The following RBFOX1 variants were observed in gnomAD, a reference collection of about 807,000 sequenced individuals.
RBFOX1 encodes the protein RNA binding protein fox-1 homolog 1.
A neutral mutation model predicts 57.7 loss-of-function variants in RBFOX1; 8 were observed. The observed-to-expected ratio is 0.14, with a 90% CI of 0.08 to 0.25. RBFOX1 has a LOEUF of 0.25. Among genes scored for constraint, RBFOX1 ranks in the 10% least tolerant of loss-of-function variants. The probability of loss-of-function intolerance (pLI) is 1.00; values close to 1 mark genes in which losing one functional copy is unlikely to be tolerated. For synonymous variants in RBFOX1, 326 were observed against 222.4 expected, an observed-to-expected ratio of 1.47 and a Z score of -4.15; for missense variants, 611 against 548.5, an observed-to-expected ratio of 1.11 and a Z score of -1.14.
intron 3 of RBFOX1, among the ~76,000 whole-genome samples, chr16:6,907,031 C>T (rs7194737): frequency 0.3 from 44,927 of 151,506 alleles, 7,732 homozygotes; most frequent in African/African-American, 0.49. Context: ...GCTTGCAGAA[C>T]TAAATTTAAA....
chr16:6,524,468 A>G (rs2153808046), intron 2 of RBFOX1, among the ~76,000 whole-genome samples: 1 of 152,202 alleles, frequency 6.6e-6, no homozygotes, highest in South Asian at 2.1e-4. Context: ...CTCACTTTCG[A>G]AGCGTGTTTG....
At chr16:5,753,000 C>T (rs1041920199) in intron 3 of RBFOX1, among the ~76,000 whole-genome samples, 2 of 151,894 alleles carry the variant, frequency 1.3e-5, no homozygotes, top group African/African-American at 2.4e-5. Context: ...AGAAATAAAC[C>T]GTATTTTAAA....
intron 3 of RBFOX1, among the ~76,000 whole-genome samples, chr16:7,009,649 C>CAG (rs2093554223): frequency 6.6e-6 from 1 of 151,602 alleles, no homozygotes; most frequent in Non-Finnish European, 1.5e-5. Context: ...ACCGTCTGGG[C>CAG]ACTTGTCACC....
intron 5 of RBFOX1, among the ~76,000 whole-genome samples, chr16:7,567,127 A>ATATATATATCCATATATATCTCCC (rs1567862920): frequency 7.7e-5 from 10 of 130,374 alleles, no homozygotes; most frequent in Admixed American, 7.2e-4. Context: ...ATATCTCCCT[A>ATATATATATCCATATATATCTCCC]TATATGTATA....
intron 3 of RBFOX1, among the ~76,000 whole-genome samples, chr16:6,805,054 G>C (rs1206530997): frequency 6.6e-6 from 1 of 152,070 alleles, no homozygotes; most frequent in Non-Finnish European, 1.5e-5. Flanking sequence ...TATATGCAGA[G>C]GAATATAAAT....
intron 3 of RBFOX1, among the ~76,000 whole-genome samples, chr16:6,748,584 A>G (rs952942928): frequency 1.3e-5 from 2 of 152,184 alleles, no homozygotes; most frequent in Non-Finnish European, 2.9e-5. Context: ...TCTTGAGCCC[A>G]GAAGTTCGAG....
intron 1 of RBFOX1, among the ~76,000 whole-genome samples, chr16:5,374,763 A>G (rs1282356045): frequency 6.6e-6 from 1 of 151,038 alleles, no homozygotes; most frequent in African/African-American, 2.4e-5. Flanking sequence ...GAAGACGACT[A>G]TTTCATGATG....
At chr16:5,607,347 T>G (rs59118089) in intron 3 of RBFOX1, among the ~76,000 whole-genome samples, 5,446 of 152,248 alleles carry the variant, frequency 0.036, 335 homozygotes, top group African/African-American at 0.12. Context: ...TTAAAGGAAG[T>G]TGGACTTGCT....
intron 4 of RBFOX1, among the ~76,000 whole-genome samples, chr16:5,977,921 A>C (rs1312127576): frequency 1.3e-5 from 2 of 151,952 alleles, no homozygotes; most frequent in Non-Finnish European, 2.9e-5. Flanking sequence ...ATTCCCTGCT[A>C]AAATCGATAT....
In RBFOX1 at chr16:7,367,996, G is replaced by A. The variant is rs893909997; in HGVS notation, c.28-150151G>A. On this transcript the variant is annotated intron_variant, in intron 4 of 15. Coordinates refer to ENST00000550418, the MANE Select transcript of RBFOX1 (RefSeq NM_018723.4). ...TACTCTAAAGAGAGAGCCAGGCATG[G>A]TGTCTTATGCCTGTAATCCCAGCAT... Among the ~76,000 whole-genome samples the A allele has an allele frequency of 3.3e-5, 5 of 152,120 alleles. No homozygotes were observed. In the South Asian group the frequency reaches 6.2e-4, roughly 19 times the overall value.
intron 2 of RBFOX1, among the ~76,000 whole-genome samples, chr16:6,526,475 C>G (rs1021318817): frequency 4.6e-5 from 7 of 152,098 alleles, no homozygotes; most frequent in Non-Finnish European, 8.8e-5. Flanking sequence ...TACAGCAATA[C>G]TTGTCTATTA....
chr16:5,761,051 G>C (rs2053574053), intron 3 of RBFOX1, among the ~76,000 whole-genome samples: 1 of 152,194 alleles, frequency 6.6e-6, no homozygotes, highest in Non-Finnish European at 1.5e-5. Flanking sequence ...CCAGTAGAAG[G>C]TTCTGGGGCA....
At chr16:7,415,250 A>G (rs1338421997) in intron 4 of RBFOX1, among the ~76,000 whole-genome samples, 4 of 152,230 alleles carry the variant, frequency 2.6e-5, no homozygotes, top group African/African-American at 9.6e-5. Context: ...GTTTTCTCAG[A>G]TGATGCATCT....
intron 3 of RBFOX1, among the ~76,000 whole-genome samples, chr16:6,659,926 T>A (rs1294697891): frequency 1.3e-5 from 2 of 152,030 alleles, no homozygotes; most frequent in Admixed American, 6.5e-5. Flanking sequence ...GGTTAGAAAT[T>A]ATTGCTTAAA....
intron 4 of RBFOX1, among the ~76,000 whole-genome samples, chr16:7,212,468 A>G (rs1395161758): frequency 6.6e-6 from 1 of 152,172 alleles, no homozygotes; most frequent in Non-Finnish European, 1.5e-5. Context: ...ATGCTGCTTT[A>G]GAGTTTAGGG....
chr16:7,037,483 G>A (rs1020455055), intron 3 of RBFOX1, among the ~76,000 whole-genome samples: 1 of 152,114 alleles, frequency 6.6e-6, no homozygotes, highest in South Asian at 2.1e-4. Context: ...TTGTGATGCT[G>A]TCTGCTAAAT....
intron 4 of RBFOX1, among the ~76,000 whole-genome samples, chr16:5,883,271 G>T (rs1335461448): frequency 6.6e-6 from 1 of 152,064 alleles, no homozygotes; most frequent in Non-Finnish European, 1.5e-5. Context: ...TTATATTTCA[G>T]ATATATTTTA....
downstream of RBFOX1, among the ~76,000 whole-genome samples, chr16:5,600,694 T>C (rs530535020): frequency 9.9e-5 from 15 of 152,168 alleles, no homozygotes; most frequent in South Asian, 3.1e-3. Flanking sequence ...AAAATGACTT[T>C]CCAGGCTGGA....
At chr16:7,462,805 C>T (rs1406969241) in intron 4 of RBFOX1, among the ~76,000 whole-genome samples, 1 of 152,190 alleles carries the variant, frequency 6.6e-6, no homozygotes, top group African/African-American at 2.4e-5. Flanking sequence ...TGTCCAGCGA[C>T]AGCTACTCGA....
Sources: gnomAD v4.1 joint callset for allele counts (sites outside exome capture counted in the v4.1 genomes callset) on GRCh38, gnomAD v4.1.1 for gene constraint, MANE v1.5 for transcripts, NCBI Gene and HGNC (gene_info 2026-07-23, HGNC 2026-07-21) for gene names.